LEP: variants seen among roughly 807,000 people sequenced by gnomAD.
LEP encodes the protein leptin.
In LEP, 6 loss-of-function variants were observed where a neutral mutation model predicts 9.8. The observed-to-expected ratio is 0.61, with a 90% CI of 0.34 to 1.21. LEP has a LOEUF of 1.21. Among genes scored for constraint, LEP ranks in the 50% most tolerant of loss-of-function variants. LEP has a pLI of 0.04. For missense variants in LEP, 134 were observed against 198.1 expected (o/e 0.68, Z 1.94); for synonymous variants, 112 against 81.7 (o/e 1.37, Z -2.00).
intron 2 of LEP, among the ~76,000 whole-genome samples, chr7:128,252,436 T>C (rs535059179): frequency 2.0e-5 from 3 of 152,244 alleles, no homozygotes; most frequent in African/African-American, 7.2e-5. Flanking sequence ...CATTTAAAAA[T>C]CATAGGATTT....
intron 1 of LEP, among the ~76,000 whole-genome samples, chr7:128,250,055 G>C (rs569856687): frequency 3.3e-5 from 5 of 152,276 alleles, no homozygotes; most frequent in African/African-American, 1.2e-4. Flanking sequence ...AAATTCTCTT[G>C]GGTAGGAGGA....
At chr7:128,250,077 G>T (rs1795256472) in intron 1 of LEP, among the ~76,000 whole-genome samples, 1 of 152,166 alleles carries the variant, frequency 6.6e-6, no homozygotes, top group South Asian at 2.1e-4. Context: ...AGGAAAGGAT[G>T]CTTTAAGGAA....
At chr7:128,253,108 G>T (rs180968923) in intron 2 of LEP, among the ~76,000 whole-genome samples, 1 of 152,000 alleles carries the variant, frequency 6.6e-6, no homozygotes, top group South Asian at 2.1e-4. Flanking sequence ...TAGTGCCTAC[G>T]ACCAGAGGGA....
At chr7:128,254,119 G>C (rs1441041601) in intron 2 of LEP, among the ~76,000 whole-genome samples, 1 of 152,204 alleles carries the variant, frequency 6.6e-6, no homozygotes, top group Non-Finnish European at 1.5e-5. Flanking sequence ...ATGAAACCAT[G>C]GCTGGTTCTT....
At chr7:128,246,668 G>A (rs545091327) in intron 1 of LEP, among the ~76,000 whole-genome samples, 8 of 151,100 alleles carry the variant, frequency 5.3e-5, no homozygotes, top group Non-Finnish European at 7.4e-5. Flanking sequence ...TTGCTGTGTC[G>A]CCCAGGCTGG....
chr7:128,246,357 C>T (rs1795211024), intron 1 of LEP, among the ~76,000 whole-genome samples: 1 of 152,098 alleles, frequency 6.6e-6, no homozygotes. Flanking sequence ...TGCAGAGGAC[C>T]CAGGTGGAGG....
Position 128,251,942 on chromosome 7 carries a change from T to C in LEP, c.-28-49T>C, listed in dbSNP as rs199608001. The C allele has an allele frequency of 2.4e-5, 35 of 1,437,914 alleles. 1 individual carries two copies. Among genetic ancestry groups the C allele is most frequent in the Non-Finnish European group, 3.2e-5 (33 of 1,019,952 alleles). 89.1% of individuals were successfully genotyped at this position (1,437,914 alleles called of 1,614,324 possible). On this transcript the variant is annotated intron_variant, in intron 1 of 2. Transcript: ENST00000308868. ...GTGGTTGGTAATGTGAAGATGGGTGTATTCTGAGATACCGGCTCCTTGCAG... is the reference window on the plus strand; with the variant it reads ...GTGGTTGGTAATGTGAAGATGGGTGCATTCTGAGATACCGGCTCCTTGCAG...
intron 1 of LEP, among the ~76,000 whole-genome samples, chr7:128,247,342 G>A (rs1424611094): frequency 6.6e-6 from 1 of 152,142 alleles, no homozygotes; most frequent in Admixed American, 6.5e-5. Flanking sequence ...GCCAGTACTA[G>A]GACATCAGCA....
At chr7:128,249,797 G>A (rs1795253330) in intron 1 of LEP, among the ~76,000 whole-genome samples, 1 of 152,166 alleles carries the variant, frequency 6.6e-6, no homozygotes, top group South Asian at 2.1e-4. Context: ...GGTCTCAGAT[G>A]GACCTGCTAC....
intron 1 of LEP, among the ~76,000 whole-genome samples, chr7:128,242,341 G>A (rs1330754337): frequency 1.3e-5 from 2 of 152,202 alleles, no homozygotes; most frequent in South Asian, 2.1e-4. Flanking sequence ...TCTGGCAGCC[G>A]GAGTTGTGTT....
intron 2 of LEP, among the ~76,000 whole-genome samples, chr7:128,252,514 G>C (rs769824737): frequency 6.6e-6 from 1 of 152,108 alleles, no homozygotes; most frequent in South Asian, 2.1e-4. Flanking sequence ...AGGATCATTC[G>C]AGCCCAAGAG....
intron 1 of LEP, among the ~76,000 whole-genome samples, chr7:128,246,046 G>A (rs1466951432): frequency 6.6e-6 from 1 of 151,374 alleles, no homozygotes; most frequent in Non-Finnish European, 1.5e-5. Context: ...ACTCTAGCCT[G>A]GGCAACAGAG....
At chr7:128,248,790 C>A (rs1051334157) in intron 1 of LEP, among the ~76,000 whole-genome samples, 4 of 152,142 alleles carry the variant, frequency 2.6e-5, no homozygotes, top group African/African-American at 9.7e-5. Flanking sequence ...CAGCCTCTGC[C>A]CCATCCCTTC....
chr7:128,248,208 A>G (rs972518009), intron 1 of LEP, among the ~76,000 whole-genome samples: 5 of 152,168 alleles, frequency 3.3e-5, no homozygotes, highest in African/African-American at 1.2e-4. Flanking sequence ...AGGCAGGTGG[A>G]TTACATGAGG....
At chr7:128,250,622 T>C (rs943556369) in intron 1 of LEP, among the ~76,000 whole-genome samples, 11 of 152,236 alleles carry the variant, frequency 7.2e-5, no homozygotes, top group Admixed American at 1.3e-4. Context: ...AACATGGCTT[T>C]GATCAAACAT....
rs1251693643 is a variant in LEP, at chr7:128,242,286, C to T, written c.-29+980C>T. On this transcript the variant is annotated intron_variant, in intron 1 of 2. Coordinates refer to ENST00000308868, the MANE Select transcript of LEP (RefSeq NM_000230.3). ...GTGAAGAGCAGAGACTTGGTGGTACCGTTCCAGGAGCACAGGCTCTCTTCC... is the reference window on the plus strand; with the variant it reads ...GTGAAGAGCAGAGACTTGGTGGTACTGTTCCAGGAGCACAGGCTCTCTTCC... Among the ~76,000 whole-genome samples the T allele has an allele frequency of 2.6e-5, 4 of 152,284 alleles. 1 individual carries two copies. The South Asian group carries it at 8.3e-4, about 32-fold the overall frequency.
intron 1 of LEP, among the ~76,000 whole-genome samples, chr7:128,247,642 G>A (rs1795227366): frequency 6.6e-6 from 1 of 152,080 alleles, no homozygotes; most frequent in Admixed American, 6.6e-5. Flanking sequence ...CCCATTCTCA[G>A]GTCCCTTATC....
At position 128,254,634 on chromosome 7, in the gene LEP, G is replaced by A. The variant is rs199851800; in HGVS notation, c.375G>A (p.Leu125=). Residue 125 remains leucine, a synonymous_variant, in exon 3 of 3, where the codon CTG becomes CTA. Transcript: ENST00000308868. ...GCCACTTGCCCTGGGCCAGTGGCCT[G>A]GAGACCTTGGACAGCCTGGGGGGTG... ...KSCHLPWASG[L]ETLDSLGGVL... 9.3e-5 allele frequency: 150 copies of A among 1,614,032 alleles called. No individual in the cohort carries two copies. Among genetic ancestry groups the A allele is most frequent in the Non-Finnish European group, 1.2e-4 (142 of 1,180,026 alleles).
At chr7:128,251,133 C>T (rs1224176258) in intron 1 of LEP, among the ~76,000 whole-genome samples, 2 of 152,204 alleles carry the variant, frequency 1.3e-5, no homozygotes, top group Non-Finnish European at 2.9e-5. Context: ...TCAGGAGACA[C>T]TTCTTCCAGG....
Sources: allele counts gnomAD v4.1 joint callset (sites outside exome capture counted in the v4.1 genomes callset), GRCh38; gene constraint gnomAD v4.1.1; transcripts MANE v1.5; gene names NCBI Gene and HGNC (gene_info 2026-07-23, HGNC 2026-07-21).